The following DOCK1 variants were observed in gnomAD, a reference collection of about 807,000 sequenced individuals.
The protein encoded by DOCK1 is dedicator of cytokinesis 1.
DOCK1 carries 138 observed loss-of-function variants against 262.7 expected under a neutral mutation model. That is an observed-to-expected ratio of 0.53 (90% CI 0.46 to 0.61). DOCK1 has a LOEUF of 0.61. DOCK1 is among the 20% of genes least tolerant of loss of function. The probability of loss-of-function intolerance (pLI) is 0.00; values close to 1 mark genes in which losing one functional copy is unlikely to be tolerated. For synonymous variants in DOCK1, 866 were observed against 867.4 expected (o/e 1.00, Z 0.03); for missense variants, 1,908 against 2,370.7 (o/e 0.80, Z 4.05).
At chr10:127,219,984 C>T (rs2134426255) in intron 27 of DOCK1, among the ~76,000 whole-genome samples, 1 of 152,216 alleles carries the variant, frequency 6.6e-6, no homozygotes, top group Non-Finnish European at 1.5e-5. Flanking sequence ...GTTTTGAGAT[C>T]ATTATCTTTA....
intron 10 of DOCK1, among the ~76,000 whole-genome samples, chr10:127,002,687 G>GTGTTGGCTGAGACACTACATC (rs2040680954): frequency 6.6e-6 from 1 of 152,198 alleles, no homozygotes; most frequent in Non-Finnish European, 1.5e-5. Context: ...GCCCCTACCT[G>GTGTTGGCTGAGACACTACATC]TGTAGTGTTG....
chr10:127,409,345 G>T lies in DOCK1; in HGVS notation c.4297G>T (p.Asp1433Tyr). ...IQCFTVKPKL[D>Y]LPPKFHRPVS... ...GTGCTTCACAGTGAAGCCCAAACTCGATCTGCCTCCTAAGTTTCACAGGCC... is the reference window on the plus strand; with the variant it reads ...GTGCTTCACAGTGAAGCCCAAACTCTATCTGCCTCCTAAGTTTCACAGGCC... The change falls in exon 42 of 52, where the codon GAT (aspartate) becomes TAT (tyrosine). Residue 1433 changes from aspartate to tyrosine, a missense_variant. Asp to Tyr is a radical substitution (Grantham distance 160). Coordinates refer to ENST00000623213, the MANE Select transcript of DOCK1 (RefSeq NM_001290223.2). The T allele has an allele frequency of 6.2e-7, 1 of 1,613,936 alleles. No homozygotes were observed. Among genetic ancestry groups the T allele is most frequent in the Non-Finnish European group, 8.5e-7 (1 of 1,179,872 alleles).
At chr10:126,970,430 G>A (rs2038013731) in intron 1 of DOCK1, among the ~76,000 whole-genome samples, 1 of 152,172 alleles carries the variant, frequency 6.6e-6, no homozygotes, top group Admixed American at 6.5e-5. Flanking sequence ...GTATTGAAGT[G>A]TCAATCAAAA....
chr10:126,923,967 C>T (rs1382611759), intron 1 of DOCK1, among the ~76,000 whole-genome samples: 1 of 152,232 alleles, frequency 6.6e-6, no homozygotes, highest in Non-Finnish European at 1.5e-5. Flanking sequence ...CTTTCCCAGC[C>T]TCCACAACTG....
chr10:127,273,713 C>G (rs888808683), intron 29 of DOCK1, among the ~76,000 whole-genome samples: 1 of 152,034 alleles, frequency 6.6e-6, no homozygotes, highest in Non-Finnish European at 1.5e-5. Context: ...GCAACCCCAT[C>G]TCTACTAAAA....
At chr10:127,218,759 AC>A (rs2058312717) in intron 27 of DOCK1, among the ~76,000 whole-genome samples, 1 of 152,210 alleles carries the variant, frequency 6.6e-6, no homozygotes, top group African/African-American at 2.4e-5. Flanking sequence ...TGATGTTATA[AC>A]AAAATTACCT....
At chr10:127,073,175 A>AAGGAAAGGTATTGCATGC (rs1245576401) in intron 23 of DOCK1, among the ~76,000 whole-genome samples, 4 of 152,238 alleles carry the variant, frequency 2.6e-5, no homozygotes, top group South Asian at 2.1e-4. Flanking sequence ...ATCTAAATCA[A>AAGGAAAGGTATTGCATGC]AGGAAAGGTA....
chr10:126,906,021 C>T (rs1203090682), intron 1 of DOCK1, among the ~76,000 whole-genome samples: 2 of 152,104 alleles, frequency 1.3e-5, no homozygotes, highest in Non-Finnish European at 2.9e-5. Flanking sequence ...GGTGGGCGGG[C>T]TCAGGTCGGC....
At chr10:127,214,070 A>G (rs895131073) in intron 27 of DOCK1, among the ~76,000 whole-genome samples, 1 of 152,168 alleles carries the variant, frequency 6.6e-6, no homozygotes, top group Non-Finnish European at 1.5e-5. Flanking sequence ...GATGGTCTCA[A>G]TCACCTGACC....
intron 38 of DOCK1, among the ~76,000 whole-genome samples, chr10:127,393,735 C>T (rs919908210): frequency 2.6e-5 from 4 of 152,194 alleles, no homozygotes; most frequent in East Asian, 1.9e-4. Flanking sequence ...TTCTTCCCCA[C>T]GGAATCATTC....
intron 40 of DOCK1, among the ~76,000 whole-genome samples, chr10:127,406,204 C>T (rs987493717): frequency 1.3e-5 from 2 of 152,068 alleles, no homozygotes; most frequent in Non-Finnish European, 2.9e-5. Context: ...ACTCTGGATC[C>T]GTGCAGGATG....
chr10:127,330,869 C>CA (rs1299265936), intron 29 of DOCK1, among the ~76,000 whole-genome samples: 2 of 152,178 alleles, frequency 1.3e-5, no homozygotes, highest in East Asian at 1.9e-4. Flanking sequence ...GTCCCGTGTT[C>CA]AAAAAAATAC....
chr10:127,279,100 CAG>C (rs1316996467), intron 29 of DOCK1, among the ~76,000 whole-genome samples: 3 of 152,240 alleles, frequency 2.0e-5, no homozygotes, highest in Non-Finnish European at 4.4e-5. Flanking sequence ...CGTTTCCTAT[CAG>C]GGGGTGTGAA....
intron 27 of DOCK1, among the ~76,000 whole-genome samples, chr10:127,214,123 A>G (rs1211579929): frequency 6.6e-6 from 1 of 152,184 alleles, no homozygotes; most frequent in East Asian, 1.9e-4. Flanking sequence ...CTGGGGTTAC[A>G]GGTGTGAGCC....
intron 1 of DOCK1, among the ~76,000 whole-genome samples, chr10:126,924,109 C>T (rs1368705316): frequency 2.6e-5 from 4 of 152,006 alleles, no homozygotes; most frequent in Admixed American, 6.6e-5. Context: ...GTACCCCACC[C>T]TCCTTGATTT....
intron 27 of DOCK1, among the ~76,000 whole-genome samples, chr10:127,243,797 G>A (rs1425387091): frequency 6.6e-6 from 1 of 152,108 alleles, no homozygotes; most frequent in Non-Finnish European, 1.5e-5. Flanking sequence ...GGGAGAGTTT[G>A]TCCCTCCTGC....
chr10:127,339,503 C>T (rs1229172324), intron 30 of DOCK1, among the ~76,000 whole-genome samples: 2 of 152,164 alleles, frequency 1.3e-5, no homozygotes, highest in African/African-American at 2.4e-5. Context: ...TATCCTCTCT[C>T]GGCCTTGTGC....
At chr10:127,134,367 G>A (rs1045924117) in intron 27 of DOCK1, among the ~76,000 whole-genome samples, 2 of 152,196 alleles carry the variant, frequency 1.3e-5, no homozygotes, top group African/African-American at 4.8e-5. Context: ...CTCTGTGGCT[G>A]TAGATAACTA....
At chr10:127,085,123 G>C (rs1003243489) in intron 23 of DOCK1, among the ~76,000 whole-genome samples, 1 of 152,196 alleles carries the variant, frequency 6.6e-6, no homozygotes, top group Non-Finnish European at 1.5e-5. Context: ...AAGAAAGGGA[G>C]GTTAAGAATC....
Sources: allele counts gnomAD v4.1 joint callset (sites outside exome capture counted in the v4.1 genomes callset), GRCh38; gene constraint gnomAD v4.1.1; transcripts MANE v1.5; gene names NCBI Gene and HGNC (gene_info 2026-07-23, HGNC 2026-07-21).